Variants in ARSG observed in about 807,000 individuals in gnomAD.
The protein encoded by ARSG is ASG.
In ARSG, 37 loss-of-function variants were observed where a neutral mutation model predicts 50.5. The observed-to-expected ratio is 0.73, with a 90% confidence interval of 0.56 to 0.96. The LOEUF is 0.96. Ranked by LOEUF, ARSG falls within the 50% of genes least tolerant of loss-of-function variation. The probability of loss-of-function intolerance (pLI) is 0.00; values close to 1 mark genes in which losing one functional copy is unlikely to be tolerated. For missense variants in ARSG, 629 were observed against 675.3 expected (o/e 0.93, Z 0.76); for synonymous variants, 225 against 254.6 (o/e 0.88, Z 1.11).
intron 2 of ARSG, among the ~76,000 whole-genome samples, chr17:68,307,947 T>G (rs1776012566): frequency 6.6e-6 from 1 of 152,050 alleles, no homozygotes; most frequent in South Asian, 2.1e-4. Flanking sequence ...AATACAGAGG[T>G]GAACAAGATA....
chr17:68,445,739 G>A, the ARSG span, among the ~76,000 whole-genome samples: 1 of 152,210 alleles, frequency 6.6e-6, no homozygotes, highest in Non-Finnish European at 1.5e-5. Flanking sequence ...TACAAGGGCA[G>A]ACATCGGTGC....
At chr17:68,366,829 A>G (rs576716446) in intron 6 of ARSG, among the ~76,000 whole-genome samples, 1 of 152,310 alleles carries the variant, frequency 6.6e-6, no homozygotes, top group South Asian at 2.1e-4. Flanking sequence ...AATTACCACT[A>G]TCCATCTTCA....
At chr17:68,411,839 T>G (rs1321888298) in intron 11 of ARSG, among the ~76,000 whole-genome samples, 1 of 150,538 alleles carries the variant, frequency 6.6e-6, no homozygotes, top group African/African-American at 2.5e-5. Flanking sequence ...TTAGGATAGT[T>G]AGCTCTTCTT....
intron 1 of ARSG, among the ~76,000 whole-genome samples, chr17:68,279,546 A>G (rs192327416): frequency 1.3e-5 from 2 of 152,292 alleles, no homozygotes; most frequent in East Asian, 3.9e-4. Flanking sequence ...TATGGTGTCT[A>G]AATAAGGTAC....
intron 8 of ARSG, among the ~76,000 whole-genome samples, chr17:68,384,052 C>A (rs774358692): frequency 3.3e-5 from 5 of 152,144 alleles, no homozygotes; most frequent in Non-Finnish European, 7.4e-5. Context: ...CGACAGAAGC[C>A]TTCATCTTCT....
intron 4 of ARSG, among the ~76,000 whole-genome samples, chr17:68,349,617 C>G (rs1016684066): frequency 1.3e-5 from 2 of 152,036 alleles, no homozygotes; most frequent in Non-Finnish European, 2.9e-5. Flanking sequence ...GGCATGGTGG[C>G]TCATGCCTAT....
At chr17:68,437,563 A>G in the ARSG span, among the ~76,000 whole-genome samples, 1 of 152,122 alleles carries the variant, frequency 6.6e-6, no homozygotes, top group South Asian at 2.1e-4. Context: ...AGAAAAAAAA[A>G]AAAAGAAACC....
At chr17:68,410,325 A>G (rs2081942258) in intron 11 of ARSG, among the ~76,000 whole-genome samples, 2 of 143,262 alleles carry the variant, frequency 1.4e-5, no homozygotes, top group African/African-American at 5.2e-5. Flanking sequence ...GAGAGTTTTT[A>G]GCATGAAGGG....
intron 2 of ARSG, among the ~76,000 whole-genome samples, chr17:68,320,690 A>G (rs937444841): frequency 1.3e-5 from 2 of 152,142 alleles, no homozygotes; most frequent in African/African-American, 4.8e-5. Context: ...GGGATCCTGA[A>G]TGACTGAAGT....
chr17:68,438,221 G>A, the ARSG span, among the ~76,000 whole-genome samples: 1 of 150,790 alleles, frequency 6.6e-6, no homozygotes. Flanking sequence ...GCTGAGCCCC[G>A]GAACCTTTAA....
At chr17:68,393,634 A>G (rs2081097474) in intron 9 of ARSG, among the ~76,000 whole-genome samples, 1 of 152,136 alleles carries the variant, frequency 6.6e-6, no homozygotes, top group Admixed American at 6.6e-5. Flanking sequence ...TGGGAGGCCG[A>G]GGCAGGTGGA....
chr17:68,447,912 G>C, the ARSG span, among the ~76,000 whole-genome samples: 1 of 145,140 alleles, frequency 6.9e-6, no homozygotes, highest in African/African-American at 2.5e-5. Flanking sequence ...AGAATTGCTT[G>C]AACACGGGAG....
At chr17:68,272,526 C>T in intron 1 of ARSG, 1 of 1,237,986 alleles carries the variant, frequency 8.1e-7, no homozygotes, top group Non-Finnish European at 1.1e-6. Flanking sequence ...AATAACGTCT[C>T]ATTACACATA....
In ARSG at chr17:68,317,555, G is replaced by A. The variant is rs145537253; in HGVS notation, c.218+9844G>A. Among the ~76,000 whole-genome samples, 5 of 151,728 alleles carry A rather than the reference G, an allele frequency of 3.3e-5. No homozygotes were observed. In the East Asian group the frequency reaches 7.7e-4, roughly 24 times the overall value. ...AGGGCGTTGTCGTTTAGGGCCCCCA[G>A]TGTTGAGAGATTGCTCATGTATGCA... On this transcript the variant is annotated intron_variant, in intron 2 of 11. Coordinates refer to ENST00000621439, the MANE Select transcript of ARSG (RefSeq NM_001267727.2).
chr17:68,360,226 T>TG (rs2079219400), intron 6 of ARSG, among the ~76,000 whole-genome samples: 1 of 152,256 alleles, frequency 6.6e-6, no homozygotes, highest in Non-Finnish European at 1.5e-5. Flanking sequence ...TCCCGAGTCC[T>TG]GTTGGCATTT....
At chr17:68,417,407 G>T (rs2082438159) in intron 11 of ARSG, among the ~76,000 whole-genome samples, 1 of 152,182 alleles carries the variant, frequency 6.6e-6, no homozygotes, top group Non-Finnish European at 1.5e-5. Flanking sequence ...AGTATTTACT[G>T]TAAGAACTTG....
At chr17:68,426,115 G>A (rs564818335), downstream of ARSG, 76 of 1,612,564 alleles carry the variant, frequency 4.7e-5, no homozygotes, top group Middle Eastern at 2.1e-4. Context: ...CACTGGTCCC[G>A]TCGCAAACTC....
chr17:68,359,168 G>GACA (rs537819429), intron 6 of ARSG, among the ~76,000 whole-genome samples: 2,376 of 151,430 alleles, frequency 0.016, 24 homozygotes, highest in Non-Finnish European at 0.025. Context: ...ATCTCAAAAC[G>GACA]ACAACAACAA....
intron 3 of ARSG, 197 bp from the exon 4 acceptor site, chr17:68,346,928 T>C (rs769634053): frequency 1.5e-5 from 23 of 1,501,114 alleles, no homozygotes; most frequent in Non-Finnish European, 1.8e-5. Context: ...TCTGGGGTCA[T>C]CCTTTATGTG....
Sources: gnomAD v4.1 joint callset for allele counts (sites outside exome capture counted in the v4.1 genomes callset) on GRCh38, gnomAD v4.1.1 for gene constraint, MANE v1.5 for transcripts, NCBI Gene and HGNC (gene_info 2026-07-23, HGNC 2026-07-21) for gene names.